LHFPL6: variants seen among roughly 807,000 people sequenced by gnomAD.
The protein encoded by LHFPL6 is LHFPL tetraspan subfamily member 6 protein.
Under a neutral mutation model 20.6 loss-of-function variants are expected in LHFPL6, and 9 were observed. The observed-to-expected ratio is 0.44, with a 90% CI of 0.26 to 0.76. LHFPL6 has a LOEUF of 0.76. LHFPL6 is among the 30% of genes least tolerant of loss of function. LHFPL6 has a pLI of 0.20. For missense variants in LHFPL6, 218 were observed against 253.5 expected (o/e 0.86, Z 0.95); for synonymous variants, 105 against 98.7 (o/e 1.06, Z -0.38).
chr13:39,574,461 T>C (rs1277278682), intron 2 of LHFPL6, among the ~76,000 whole-genome samples: 12 of 141,654 alleles, frequency 8.5e-5, no homozygotes, highest in East Asian at 4.1e-4. Context: ...CCAGCCTGGG[T>C]GACAGATCAA....
chr13:39,379,711 C>T (rs780221996), intron 2 of LHFPL6, among the ~76,000 whole-genome samples: 3 of 152,158 alleles, frequency 2.0e-5, no homozygotes, highest in Admixed American at 6.5e-5. Context: ...TACTTTCCAT[C>T]CCTGTCCTCA....
intron 3 of LHFPL6, among the ~76,000 whole-genome samples, chr13:39,362,030 T>C (rs1378615635): frequency 6.6e-6 from 1 of 152,254 alleles, no homozygotes; most frequent in Non-Finnish European, 1.5e-5. Flanking sequence ...GTAGCTTTTC[T>C]ATATATCTAA....
At chr13:39,549,617 G>A (rs1449430372) in intron 2 of LHFPL6, among the ~76,000 whole-genome samples, 6 of 152,094 alleles carry the variant, frequency 3.9e-5, no homozygotes, top group Non-Finnish European at 8.8e-5. Context: ...GGGTTATAAA[G>A]TTCAGCATAC....
chr13:39,447,629 C>T (rs1187625544), intron 2 of LHFPL6, among the ~76,000 whole-genome samples: 1 of 152,200 alleles, frequency 6.6e-6, no homozygotes, highest in Non-Finnish European at 1.5e-5. Context: ...GCCTCTTCAA[C>T]AACACATGGA....
chr13:39,436,105 C>T (rs1871950191), intron 2 of LHFPL6, among the ~76,000 whole-genome samples: 1 of 151,798 alleles, frequency 6.6e-6, no homozygotes, highest in Non-Finnish European at 1.5e-5. Context: ...AAACCAGAAT[C>T]CTTTGGAGTC....
At chr13:39,541,224 C>T (rs1870786395) in intron 2 of LHFPL6, among the ~76,000 whole-genome samples, 2 of 152,202 alleles carry the variant, frequency 1.3e-5, no homozygotes, top group South Asian at 4.1e-4. Context: ...AAATGGATCT[C>T]ATGGACACCC....
chr13:39,578,247 A>G (rs1872178238), intron 2 of LHFPL6, among the ~76,000 whole-genome samples: 1 of 152,100 alleles, frequency 6.6e-6, no homozygotes, highest in Admixed American at 6.5e-5. Flanking sequence ...GGACAAAAGC[A>G]CCCTACTAAA....
At chr13:39,461,966 CT>C (rs995856065) in intron 2 of LHFPL6, among the ~76,000 whole-genome samples, 2 of 140,512 alleles carry the variant, frequency 1.4e-5, no homozygotes, top group African/African-American at 5.8e-5. Flanking sequence ...CTAGGATTCA[CT>C]TTAAAAAAAA....
chr13:39,422,948 A>G (rs1871536539), intron 2 of LHFPL6, among the ~76,000 whole-genome samples: 1 of 152,194 alleles, frequency 6.6e-6, no homozygotes, highest in South Asian at 2.1e-4. Flanking sequence ...GCAGAGCAAA[A>G]GGGAAAAAAG....
intron 2 of LHFPL6, among the ~76,000 whole-genome samples, chr13:39,530,605 T>TG (rs2138494505): frequency 6.6e-6 from 1 of 152,244 alleles, no homozygotes; most frequent in African/African-American, 2.4e-5. Context: ...CCTAAAAACT[T>TG]GGATTGGATA....
At chr13:39,450,468 T>C (rs1191370247) in intron 2 of LHFPL6, among the ~76,000 whole-genome samples, 1 of 152,198 alleles carries the variant, frequency 6.6e-6, no homozygotes, top group African/African-American at 2.4e-5. Context: ...AAGCTATCCA[T>C]TTAAAAGGCT....
chr13:39,510,647 AAC>A (rs146898558), intron 2 of LHFPL6, among the ~76,000 whole-genome samples: 5 of 151,948 alleles, frequency 3.3e-5, no homozygotes, highest in Admixed American at 2.6e-4. Flanking sequence ...AGAAAGAGAA[AAC>A]ACACACACAC....
intron 3 of LHFPL6, among the ~76,000 whole-genome samples, chr13:39,345,885 A>G (rs1299799663): frequency 6.6e-6 from 1 of 152,164 alleles, no homozygotes; most frequent in Non-Finnish European, 1.5e-5. Flanking sequence ...TGCCAGAGAC[A>G]TGGCTTCTGT....
chr13:39,472,424 CG>C (rs1872970479), intron 2 of LHFPL6, among the ~76,000 whole-genome samples: 1 of 152,054 alleles, frequency 6.6e-6, no homozygotes, highest in Non-Finnish European at 1.5e-5. Flanking sequence ...AGTGAATCTG[CG>C]TCCTTTCTCA....
At chr13:39,453,371 T>A (rs4340189) in intron 2 of LHFPL6, among the ~76,000 whole-genome samples, 1 of 151,618 alleles carries the variant, frequency 6.6e-6, no homozygotes, top group Non-Finnish European at 1.5e-5. Flanking sequence ...TAGGCTTATG[T>A]AGTATTTCTA....
intron 2 of LHFPL6, among the ~76,000 whole-genome samples, chr13:39,501,356 G>T (rs1869288422): frequency 6.6e-6 from 1 of 152,086 alleles, no homozygotes; most frequent in South Asian, 2.1e-4. Flanking sequence ...GCGCTACAGT[G>T]TTTGAAATTA....
At chr13:39,503,692 AT>A (rs1869372657) in intron 2 of LHFPL6, among the ~76,000 whole-genome samples, 1 of 152,234 alleles carries the variant, frequency 6.6e-6, no homozygotes, top group East Asian at 1.9e-4. Context: ...ATTTTACACA[AT>A]ACGTAACCTT....
chr13:39,538,415 C>G (rs1870693963), intron 2 of LHFPL6, among the ~76,000 whole-genome samples: 1 of 149,798 alleles, frequency 6.7e-6, no homozygotes, highest in Non-Finnish European at 1.5e-5. Flanking sequence ...TTCTTGCCAA[C>G]CATGTTTAAC....
rs568447273 is a variant in LHFPL6, at chr13:39,491,285, G to T, written c.385+109547C>A. On this transcript the variant is annotated intron_variant, in intron 2 of 3. Coordinates refer to ENST00000379589, the MANE Select transcript of LHFPL6 (RefSeq NM_005780.3). ...TGACATGTGAAGTAATTCCTAGTCT[G>T]GGCCATGAGGGAAAATAGCATTTCT... Among the ~76,000 whole-genome samples the T allele has an allele frequency of 5.3e-5, 8 of 152,270 alleles. No individual in the cohort carries two copies. The South Asian group carries it at 1.7e-3, about 32-fold the overall frequency.
Sources: gnomAD v4.1 joint callset for allele counts (sites outside exome capture counted in the v4.1 genomes callset) on GRCh38, gnomAD v4.1.1 for gene constraint, MANE v1.5 for transcripts, NCBI Gene and HGNC (gene_info 2026-07-23, HGNC 2026-07-21) for gene names.